The following HPGD variants were observed in gnomAD, a reference collection of about 807,000 sequenced individuals.
HPGD encodes the protein 15-hydroxyprostaglandin dehydrogenase.
In HPGD, 29 loss-of-function variants were observed where a neutral mutation model predicts 30.0. The observed-to-expected ratio is 0.97, with a 90% CI of 0.72 to 1.32. HPGD has a LOEUF of 1.32. Ranked by LOEUF, HPGD falls within the 40% of genes most tolerant of loss-of-function variation. The pLI is 0.00. For missense variants in HPGD, 340 were observed against 322.1 expected (o/e 1.06, Z -0.43); for synonymous variants, 99 against 112.4 (o/e 0.88, Z 0.75).
intron 1 of HPGD, 125 bp downstream of exon 1, chr4:174,522,234 T>C: frequency 7.1e-7 from 1 of 1,407,846 alleles, no homozygotes; most frequent in Non-Finnish European, 9.9e-7. Flanking sequence ...TTCAGCAAAT[T>C]TTGGAAGTGG....
rs1734372257 is a variant in HPGD, at chr4:174,492,153, TTTAAG to T, written c.663-64_663-60del. The T allele has an allele frequency of 6.8e-7, 1 of 1,475,968 alleles. No individual in the cohort carries two copies. Among genetic ancestry groups the T allele is most frequent in the Non-Finnish European group, 9.4e-7 (1 of 1,061,356 alleles). 91.4% of individuals were successfully genotyped at this position (1,475,968 alleles called of 1,614,324 possible). A position where few individuals can be genotyped will look rare whatever the true frequency, so the allele number is the denominator to read the frequency against. ...AGAATGAGGCATATTACCACTTCAT[TTTAAG>T]TTATTTTCTGAAGAATCTATTAAGT... On this transcript the variant is annotated intron_variant, in intron 6 of 6. Coordinates refer to ENST00000296522, the MANE Select transcript of HPGD (RefSeq NM_000860.6). The surrounding 1 kb of genome is among the most constrained non-coding windows in gnomAD (Gnocchi z 4.9).
intron 3 of HPGD, among the ~76,000 whole-genome samples, chr4:174,513,399 T>A (rs1474414317): frequency 6.6e-6 from 1 of 152,090 alleles, no homozygotes; most frequent in African/African-American, 2.4e-5. Flanking sequence ...CCAAAAGATG[T>A]AATGAAATAC....
rs1194822526 is a variant in HPGD, at chr4:174,517,988, T to A, written c.307A>T (p.Thr103Ser). The change falls in exon 3 of 7, where the codon ACT becomes TCT. Residue 103 changes from threonine to serine, a missense_variant. Coordinates refer to ENST00000296522, the MANE Select transcript of HPGD (RefSeq NM_000860.6). ...GVNNEKNWEKTLQINLVSVIS... is the reference protein window; with the variant it reads ...GVNNEKNWEKSLQINLVSVIS... The stretch of plus-strand genomic sequence containing the variant: ...TAACTCACCAAATTAATTTGCAGAG[T>A]TTTTTCCCAGTTTTTCTCATTATTC... 3.2e-6 allele frequency: 5 copies of A among 1,571,780 alleles called. No homozygotes were observed. The highest frequency in any genetic ancestry group is 4.4e-6 in the Non-Finnish European group (5 of 1,142,154).
intron 3 of HPGD, among the ~76,000 whole-genome samples, chr4:174,514,448 G>A (rs998379179): frequency 1.3e-5 from 2 of 152,124 alleles, no homozygotes; most frequent in African/African-American, 4.8e-5. Flanking sequence ...TATCCATACT[G>A]TAAAATAGAA....
In HPGD at chr4:174,498,294, C is replaced by T. The variant is rs78786580; in HGVS notation, c.422-2670G>A. Among the ~76,000 whole-genome samples the T allele has an allele frequency of 6.8e-3, 1,034 of 151,478 alleles. 10 individuals carry two copies. The highest frequency in any genetic ancestry group is 0.023 in the African/African-American group (959 of 41,366). ...AAAACCTACACAAATCAATTTCAGACATTCAGAAACCAAGTTTCCTTTTTT... is the reference window on the plus strand; with the variant it reads ...AAAACCTACACAAATCAATTTCAGATATTCAGAAACCAAGTTTCCTTTTTT... On this transcript the variant is annotated intron_variant, in intron 4 of 6. Transcript: ENST00000296522.
At chr4:174,516,281 G>C (rs535014016) in intron 3 of HPGD, among the ~76,000 whole-genome samples, 1 of 149,198 alleles carries the variant, frequency 6.7e-6, no homozygotes, top group Non-Finnish European at 1.5e-5. Context: ...AATACGGGTA[G>C]GTATACAGCA....
In HPGD at chr4:174,494,735, C is replaced by A. The variant is rs1734501376; in HGVS notation, c.498+813G>T. On this transcript the variant is annotated intron_variant, in intron 5 of 6. Coordinates refer to ENST00000296522, the MANE Select transcript of HPGD (RefSeq NM_000860.6). The surrounding 1 kb of genome is among the most constrained non-coding windows in gnomAD (Gnocchi z 4.9). ...ACCTAGATGAACCACCCAGAGACCC[C>A]CTACAACTGTTCTTTCCGCTTTTAC... is the stretch of plus-strand genomic sequence containing the variant. Among the ~76,000 whole-genome samples, 10 of 152,148 alleles carry A rather than the reference C, an allele frequency of 6.6e-5. No homozygotes were observed. The South Asian group carries it at 2.1e-3, about 32-fold the overall frequency.
intron 4 of HPGD, chr4:174,495,946 CTT>C (rs1458852031): frequency 6.8e-6 from 2 of 295,034 alleles, no homozygotes; most frequent in East Asian, 7.8e-5. Context: ...AGAAAATCAT[CTT>C]TAAAGTCAGT....
At chr4:174,517,743 T>C (rs2110870805) in intron 3 of HPGD, among the ~76,000 whole-genome samples, 1 of 152,292 alleles carries the variant, frequency 6.6e-6, no homozygotes, top group Middle Eastern at 3.4e-3. Flanking sequence ...TAAGCAATCA[T>C]TTATATTTTA....
chr4:174,511,803 C>T (rs902500188), intron 3 of HPGD, among the ~76,000 whole-genome samples: 2 of 152,152 alleles, frequency 1.3e-5, no homozygotes, highest in Admixed American at 1.3e-4. Context: ...TCCGCCACCA[C>T]GCCCGGCTAA....
rs1734679666 is a variant in HPGD at position 174,497,571 on chromosome 4, T to TC, written c.422-1948_422-1947insG. Reference sequence around the variant, plus strand: ...TTTCTTTTCTTTCTTTTTCTTTCTTTTTTTTTTTTTTTTTTTTTTTTTTTT... The same window carrying TC: ...TTTCTTTTCTTTCTTTTTCTTTCTTTCTTTTTTTTTTTTTTTTTTTTTTTTT... On this transcript the variant is annotated intron_variant, in intron 4 of 6. Coordinates refer to ENST00000296522, the MANE Select transcript of HPGD (RefSeq NM_000860.6). 6.4e-4 allele frequency among the ~76,000 whole-genome samples: 28 copies of TC among 43,958 alleles called. 1 individual carries two copies. In the East Asian group the frequency reaches 0.012, roughly 19 times the overall value. 28.8% of individuals were successfully genotyped at this position (43,958 alleles called of 152,430 possible).
intron 4 of HPGD, among the ~76,000 whole-genome samples, chr4:174,504,131 T>A (rs1445690017): frequency 6.6e-6 from 1 of 152,232 alleles, no homozygotes; most frequent in African/African-American, 2.4e-5. Flanking sequence ...CTAGTTACTT[T>A]AATATCTCCA....
chr4:174,521,834 T>C (rs1325153968), intron 2 of HPGD, 110 bp downstream of exon 2: 5 of 1,252,472 alleles, frequency 4.0e-6, no homozygotes, highest in Admixed American at 3.4e-5. Flanking sequence ...AGGTAGCTGC[T>C]CTCGAGGAGG....
chr4:174,519,784 C>T (rs560187400), intron 2 of HPGD, among the ~76,000 whole-genome samples: 1 of 152,200 alleles, frequency 6.6e-6, no homozygotes, highest in East Asian at 1.9e-4. Flanking sequence ...TTTGCTGACT[C>T]TCTTTTCCGA....
intron 4 of HPGD, among the ~76,000 whole-genome samples, chr4:174,505,463 C>T (rs182572932): frequency 4.3e-4 from 66 of 152,324 alleles, no homozygotes; most frequent in Non-Finnish European, 8.4e-4. Flanking sequence ...GCTCTCACCT[C>T]TTCCTACATG....
intron 4 of HPGD, among the ~76,000 whole-genome samples, chr4:174,497,877 C>T (rs1734713114): frequency 6.8e-6 from 1 of 146,514 alleles, no homozygotes; most frequent in Non-Finnish European, 1.5e-5. Flanking sequence ...TGGCCGGCCT[C>T]ACTTTCTCTC....
chr4:174,504,489 T>G (rs187222188), intron 4 of HPGD, among the ~76,000 whole-genome samples: 35 of 152,234 alleles, frequency 2.3e-4, no homozygotes, highest in Non-Finnish European at 4.0e-4. Flanking sequence ...CTCCTTTTCC[T>G]GTGACAATAA....
chr4:174,509,500 G>A (rs959986927), intron 3 of HPGD, among the ~76,000 whole-genome samples: 2 of 152,182 alleles, frequency 1.3e-5, no homozygotes, highest in Non-Finnish European at 2.9e-5. Flanking sequence ...ATGGGAACAG[G>A]ATGGATGCTG....
chr4:174,497,568 CTTT>C (rs778825547), intron 4 of HPGD, among the ~76,000 whole-genome samples: 1,286 of 50,974 alleles, frequency 0.025, 45 homozygotes, highest in African/African-American at 0.039. Flanking sequence ...CTTTTTCTTT[CTTT>C]TTTTTTTTTT....
Sources: gnomAD v4.1 joint callset for allele counts (sites outside exome capture counted in the v4.1 genomes callset) on GRCh38, gnomAD v4.1.1 for gene constraint, Gnocchi (gnomAD v3.1) non-coding constraint, MANE v1.5 for transcripts, NCBI Gene and HGNC (gene_info 2026-07-23, HGNC 2026-07-21) for gene names.